Variants in HSPA14 observed in about 807,000 individuals in gnomAD.
HSPA14 encodes the protein heat shock 70 kDa protein 14.
HSPA14 carries 37 observed loss-of-function variants against 65.5 expected under a neutral mutation model. The ratio of observed to expected loss-of-function variants is 0.56; its 90% confidence interval spans 0.43 to 0.74. The LOEUF (loss-of-function observed/expected upper bound fraction) is 0.74, where lower values mean the gene tolerates loss of function less well. Ranked by LOEUF, HSPA14 falls within the 30% of genes least tolerant of loss-of-function variation. The pLI is 0.00. For synonymous variants in HSPA14, 203 were observed against 214.2 expected (o/e 0.95, Z 0.46); for missense variants, 564 against 607.6 (o/e 0.93, Z 0.75).
At chr10:14,850,159 C>T (rs1389460833) in intron 6 of HSPA14, among the ~76,000 whole-genome samples, 1 of 151,708 alleles carries the variant, frequency 6.6e-6, no homozygotes, top group African/African-American at 2.4e-5. Flanking sequence ...ATAATCTCAG[C>T]TATTCGGGAG....
At position 14,854,239 on chromosome 10, in the gene HSPA14, C is replaced by T. The variant is rs1311269238; in HGVS notation, c.849C>T (p.Asp283=). The change falls in exon 9 of 14, where the codon GAC becomes GAT. Residue 283 remains aspartate (D), a synonymous_variant. Transcript: ENST00000378372. The part of the protein sequence containing the change: ...STLGSANCFL[D]SLYEGQDFDC... The stretch of plus-strand genomic sequence containing the variant: ...TGGGAAGTGCCAACTGTTTTCTTGA[C>T]TCATTATATGAAGGTCAAGATTTTG... The T allele has an allele frequency of 1.2e-6, 2 of 1,613,336 alleles. No individual in the cohort carries two copies. Among genetic ancestry groups the T allele is most frequent in the South Asian group, 2.2e-5 (2 of 90,920 alleles).
intron 10 of HSPA14, among the ~76,000 whole-genome samples, chr10:14,865,654 G>C (rs908445146): frequency 6.6e-6 from 1 of 152,108 alleles, no homozygotes; most frequent in African/African-American, 2.4e-5. Flanking sequence ...TATTATTTCT[G>C]AGGGCTCTGT....
intron 3 of HSPA14, chr10:14,844,280 A>G: frequency 9.2e-7 from 1 of 1,081,600 alleles, no homozygotes; most frequent in Non-Finnish European, 1.1e-6. Flanking sequence ...TAGATGTGAA[A>G]GGGTTTAAAA....
Position 14,842,573 on chromosome 10 carries a change from G to C in HSPA14, c.221+2416G>C. 2 of 1,536,108 alleles carry C rather than the reference G, an allele frequency of 1.3e-6. No individual in the cohort carries two copies. Among genetic ancestry groups the C allele is most frequent in the Non-Finnish European group, 1.7e-6 (2 of 1,146,920 alleles). On this transcript the variant is annotated intron_variant, in intron 3 of 13. Transcript: ENST00000378372. The surrounding 1 kb of genome is among the most constrained non-coding windows in gnomAD (Gnocchi z 5.2). ...ACACTGTCCATTTTATGATACGTTG[G>C]ATCAGCTTCTCCGAAATCAGATAGT... is the stretch of plus-strand genomic sequence containing the variant.
intron 10 of HSPA14, among the ~76,000 whole-genome samples, chr10:14,865,051 T>C (rs1359279539): frequency 6.6e-6 from 1 of 152,246 alleles, no homozygotes; most frequent in African/African-American, 2.4e-5. Context: ...GTGGTTTTGA[T>C]TTGCATTTCT....
At chr10:14,846,542 G>A (rs1462443735) in intron 3 of HSPA14, 1 of 985,338 alleles carries the variant, frequency 1.0e-6, no homozygotes, top group African/African-American at 1.7e-5. Context: ...AGCAAGCCAG[G>A]AATCTGCCTA....
Position 14,839,554 on chromosome 10 carries a change from G to A in HSPA14, c.58-351G>A, listed in dbSNP as rs543291269. Reference sequence around the variant, plus strand: ...AGTCTGCACTCCAGCCTGGGCCACGGAGCAAGACTCCGTGTCCAAAAAAAA... The same window carrying A: ...AGTCTGCACTCCAGCCTGGGCCACGAAGCAAGACTCCGTGTCCAAAAAAAA... On this transcript the variant is annotated intron_variant, in intron 1 of 13. Coordinates refer to ENST00000378372, the MANE Select transcript of HSPA14 (RefSeq NM_016299.4). Among the ~76,000 whole-genome samples, 188 of 150,596 alleles carry A rather than the reference G, an allele frequency of 1.2e-3. 5 individuals carry two copies. In the South Asian group the frequency reaches 0.03, roughly 24 times the overall value.
chr10:14,843,860 T>G, intron 3 of HSPA14: 2 of 1,536,470 alleles, frequency 1.3e-6, no homozygotes, highest in South Asian at 1.2e-5. Flanking sequence ...CTTGAAAAAT[T>G]GCTTCAGAGG....
At chr10:14,845,114 T>G in intron 3 of HSPA14, 2 of 985,382 alleles carry the variant, frequency 2.0e-6, no homozygotes, top group Non-Finnish European at 2.4e-6. Context: ...CAGATGAGCC[T>G]CCTCCACACC....
Position 14,849,735 on chromosome 10 carries a change from G to A in HSPA14, c.391G>A (p.Val131Ile). The A allele has an allele frequency of 1.9e-6, 3 of 1,607,782 alleles. No individual in the cohort carries two copies. The highest frequency in any genetic ancestry group is 2.5e-6 in the Non-Finnish European group (3 of 1,177,868). The change falls in exon 6 of 14, where the codon GTA (valine) becomes ATA (isoleucine). Residue 131 changes from valine (V) to isoleucine (I), a missense_variant. By Grantham distance (29) the Val-to-Ile change is conservative. Coordinates refer to ENST00000378372, the MANE Select transcript of HSPA14 (RefSeq NM_016299.4). ...FSKMKETAHS[V>I]LGSDANDVVI... Reference sequence around the variant, plus strand: ...TTAATATGCAGAAACGGCACATTCTGTATTGGGCTCAGATGCAAATGATGT... The same window carrying A: ...TTAATATGCAGAAACGGCACATTCTATATTGGGCTCAGATGCAAATGATGT...
rs1265733988 is a variant in HSPA14 at position 14,867,709 on chromosome 10, G to A, written c.1207-27G>A. Reference sequence around the variant, plus strand: ...CAATTGTAAAGATAAATACCAAAGAGTATGCACCTTGTTTCCTGCTAACTA... The same window carrying A: ...CAATTGTAAAGATAAATACCAAAGAATATGCACCTTGTTTCCTGCTAACTA... On this transcript the variant is annotated intron_variant, in intron 11 of 13. Coordinates refer to ENST00000378372, the MANE Select transcript of HSPA14 (RefSeq NM_016299.4). 7 of 1,599,046 alleles carry A rather than the reference G, an allele frequency of 4.4e-6. No homozygotes were observed. In the South Asian group the frequency reaches 5.6e-5, roughly 13 times the overall value.
chr10:14,861,723 G>C (rs1019132691), intron 10 of HSPA14, among the ~76,000 whole-genome samples: 9 of 152,066 alleles, frequency 5.9e-5, no homozygotes, highest in South Asian at 2.1e-4. Context: ...GTTTGAAATA[G>C]ATTTTATCAG....
chr10:14,846,958 G>A lies in HSPA14; in HGVS notation c.222-1651G>A, dbSNP rs576755397. The A allele has an allele frequency of 2.5e-5, 25 of 985,280 alleles. 1 individual carries two copies. The South Asian group carries it at 8.0e-4, about 31-fold the overall frequency. The allele number at this position is 985,280 out of a possible 1,614,324, so 61.0% of individuals were successfully genotyped here. ...TCTCACCACCTTTGTTTTTCTGTTCGGTAATCCTGGTGTGGACAAATAAAG... is the reference window on the plus strand; with the variant it reads ...TCTCACCACCTTTGTTTTTCTGTTCAGTAATCCTGGTGTGGACAAATAAAG... On this transcript the variant is annotated intron_variant, in intron 3 of 13. Transcript: ENST00000378372.
Position 14,867,767 on chromosome 10 carries a change from C to T in HSPA14, c.1238C>T (p.Thr413Ile), listed in dbSNP as rs1388849825. 2.5e-6 allele frequency: 4 copies of T among 1,614,090 alleles called. No homozygotes were observed. In the South Asian group the frequency reaches 3.3e-5, roughly 13 times the overall value. Residue 413 changes from threonine to isoleucine, a missense_variant, in exon 12 of 14, where the codon ACA becomes ATA. Thr to Ile is a moderately conservative substitution (Grantham distance 89). Coordinates refer to ENST00000378372, the MANE Select transcript of HSPA14 (RefSeq NM_016299.4). Reference sequence around the variant, plus strand: ...GACGAATCAGGAGCCAGTAGATTCACAGTGCTGTTTCCATCAGGGACTCCT... The same window carrying T: ...GACGAATCAGGAGCCAGTAGATTCATAGTGCTGTTTCCATCAGGGACTCCT... ...GVDESGASRFTVLFPSGTPLP... is the reference protein window; with the variant it reads ...GVDESGASRFIVLFPSGTPLP...
chr10:14,866,117 G>T (rs947598712), intron 10 of HSPA14, among the ~76,000 whole-genome samples: 1 of 152,112 alleles, frequency 6.6e-6, no homozygotes, highest in Non-Finnish European at 1.5e-5. Flanking sequence ...ATTTGAAAAG[G>T]CATATTCTGC....
rs532994714 is a variant in HSPA14 at position 14,842,568 on chromosome 10, C to T, written c.221+2411C>T. On this transcript the variant is annotated intron_variant, in intron 3 of 13. Coordinates refer to ENST00000378372, the MANE Select transcript of HSPA14 (RefSeq NM_016299.4). The surrounding 1 kb of genome is among the most constrained non-coding windows in gnomAD (Gnocchi z 5.2). ...CCACCACACTGTCCATTTTATGATA[C>T]GTTGGATCAGCTTCTCCGAAATCAG... The T allele has an allele frequency of 4.9e-5, 76 of 1,536,020 alleles. No homozygotes were observed. Among genetic ancestry groups the T allele is most frequent in the Non-Finnish European group, 6.1e-5 (70 of 1,146,932 alleles).
At chr10:14,852,680 A>G in intron 8 of HSPA14, 149 bp downstream of exon 8, 1 of 686,392 alleles carries the variant, frequency 1.5e-6, no homozygotes, top group Non-Finnish European at 2.4e-6. Flanking sequence ...TCATATCTAG[A>G]GTTATGTCCT....
chr10:14,846,973 G>A lies in HSPA14; in HGVS notation c.222-1636G>A, dbSNP rs141349869. ...TTTTCTGTTCGGTAATCCTGGTGTG[G>A]ACAAATAAAGTTTTCACTTGTATGT... On this transcript the variant is annotated intron_variant, in intron 3 of 13. Transcript: ENST00000378372. 6.0e-5 allele frequency: 59 copies of A among 985,366 alleles called. No homozygotes were observed. The East Asian group carries it at 4.9e-3, about 82-fold the overall frequency. 61.0% of individuals were successfully genotyped at this position (985,366 alleles called of 1,614,324 possible).
chr10:14,854,727 C>A (rs772664402), intron 9 of HSPA14, among the ~76,000 whole-genome samples: 2 of 152,180 alleles, frequency 1.3e-5, no homozygotes, highest in Non-Finnish European at 2.9e-5. Flanking sequence ...TGGTTAAATT[C>A]TCTTTTCATC....
Sources: allele counts gnomAD v4.1 joint callset (sites outside exome capture counted in the v4.1 genomes callset), GRCh38; gene constraint gnomAD v4.1.1; non-coding constraint Gnocchi (gnomAD v3.1); transcripts MANE v1.5; gene names NCBI Gene and HGNC (gene_info 2026-07-23, HGNC 2026-07-21).